C3orf20: variants seen among roughly 807,000 people sequenced by gnomAD.
C3orf20 encodes the protein family with sequence similarity 149 member C, also known as uncharacterized protein C3orf20.
A neutral mutation model predicts 88.3 loss-of-function variants in C3orf20; 76 were observed. The observed-to-expected ratio is 0.86, with a 90% CI of 0.72 to 1.04. The LOEUF is 1.04. C3orf20 is among the 50% of genes least tolerant of loss of function. C3orf20 has a pLI of 0.00. For synonymous variants in C3orf20, 436 were observed against 437.4 expected, an observed-to-expected ratio of 1.00 and a Z score of 0.04; for missense variants, 1,056 against 1,123.3, an observed-to-expected ratio of 0.94 and a Z score of 0.86.
intron 14 of C3orf20, among the ~76,000 whole-genome samples, chr3:14,760,601 GTCT>G (rs1439624035): frequency 0.012 from 1,528 of 127,202 alleles, 33 homozygotes; most frequent in African/African-American, 0.041. Flanking sequence ...GTAAGAGTCT[GTCT>G]TCTTTTTTTT....
At position 14,703,254 on chromosome 3, in the gene C3orf20, T is replaced by A; in HGVS notation, c.870T>A (p.Cys290Ter). 6.2e-7 allele frequency: 1 copy of A among 1,614,076 alleles called. No homozygotes were observed. The highest frequency in any genetic ancestry group is 8.5e-7 in the Non-Finnish European group (1 of 1,180,014). ...CCCGGGAGAAGCTGCAGGAGTTGTG[T>A]CGCCACATGTGAGCACCTCAGTGCT... ...PEAREKLQEL[C>*]RHIEAERATW... Residue 290 changes from cysteine to a stop codon, truncating the protein, a stop_gained, in exon 6 of 17, where the codon TGT becomes TGA. Transcript: ENST00000253697. LOFTEE classifies it high-confidence loss of function.
intron 12 of C3orf20, among the ~76,000 whole-genome samples, chr3:14,756,767 C>G (rs1178070233): frequency 6.6e-6 from 1 of 152,166 alleles, no homozygotes; most frequent in Non-Finnish European, 1.5e-5. Context: ...GGATGAAATG[C>G]AGGGGGCAGA....
Position 14,682,151 on chromosome 3 carries a change from C to A in C3orf20, c.-298-19C>A, listed in dbSNP as rs1279370358. 1 of 153,334 alleles carries A rather than the reference C, an allele frequency of 6.5e-6. No individual in the cohort carries two copies. Among genetic ancestry groups the A allele is most frequent in the African/African-American group, 2.4e-5 (1 of 41,460 alleles). 9.5% of individuals were successfully genotyped at this position (153,334 alleles called of 1,614,324 possible). ...GCTTAGTAAATGCATTGTCCTCATT[C>A]TTTCCTGTCTGCCCTCAGATGTACA... On this transcript the variant is annotated intron_variant, in intron 1 of 16. Transcript: ENST00000253697.
chr3:14,708,154 T>C (rs921940435), intron 7 of C3orf20, among the ~76,000 whole-genome samples: 19 of 152,188 alleles, frequency 1.2e-4, no homozygotes, highest in Non-Finnish European at 2.4e-4. Flanking sequence ...TTTATACTTA[T>C]AGGTCTTGCG....
intron 4 of C3orf20, among the ~76,000 whole-genome samples, chr3:14,685,171 A>G (rs1265950464): frequency 3.3e-5 from 5 of 152,262 alleles, no homozygotes; most frequent in Admixed American, 2.0e-4. Flanking sequence ...GCACTAAAGC[A>G]TAGATATTTA....
chr3:14,720,207 T>C lies in C3orf20; in HGVS notation c.1435-1446T>C, dbSNP rs537980958. Among the ~76,000 whole-genome samples, 486 of 152,290 alleles carry C rather than the reference T, an allele frequency of 3.2e-3. 2 individuals carry two copies. Among genetic ancestry groups the C allele is most frequent in the Middle Eastern group, 0.027 (8 of 294 alleles). On this transcript the variant is annotated intron_variant, in intron 9 of 16. Coordinates refer to ENST00000253697, the MANE Select transcript of C3orf20 (RefSeq NM_032137.5). ...ACCATGCCTGGCTAATTTTTTTGTA[T>C]ATTTAGTAGAGACGGGGTTTCACCG...
At chr3:14,719,296 G>C (rs1199391659) in intron 9 of C3orf20, among the ~76,000 whole-genome samples, 2 of 152,142 alleles carry the variant, frequency 1.3e-5, no homozygotes, top group African/African-American at 2.4e-5. Context: ...ACCAGTGGGT[G>C]GGCTAGTGGA....
Position 14,761,599 on chromosome 3 carries a change from G to T in C3orf20, c.2479G>T (p.Asp827Tyr), listed in dbSNP as rs371915346. ...QDYKMGYFLP[D>Y]DYKFSVPNSV... ...TTACAAGATGGGCTACTTCCTGCCG[G>T]ATGACTACAAATTCAGGTAAAACAG... The change falls in exon 15 of 17, where the codon GAT (aspartate) becomes TAT (tyrosine). Residue 827 changes from aspartate to tyrosine, a missense_variant. Coordinates refer to ENST00000253697, the MANE Select transcript of C3orf20 (RefSeq NM_032137.5). 3.7e-6 allele frequency: 6 copies of T among 1,613,948 alleles called. No individual in the cohort carries two copies. The highest frequency in any genetic ancestry group is 2.7e-5 in the African/African-American group (2 of 74,896).
chr3:14,702,229 T>A (rs1029327030), intron 5 of C3orf20, among the ~76,000 whole-genome samples: 2 of 152,090 alleles, frequency 1.3e-5, no homozygotes, highest in African/African-American at 4.8e-5. Flanking sequence ...CAGAAATGCC[T>A]GATGAACCCA....
intron 15 of C3orf20, among the ~76,000 whole-genome samples, chr3:14,769,146 T>C (rs1392436853): frequency 6.6e-6 from 1 of 152,040 alleles, no homozygotes; most frequent in African/African-American, 2.4e-5. Context: ...GGCAAATTCA[T>C]AGAGCTGTGA....
intron 1 of C3orf20, among the ~76,000 whole-genome samples, chr3:14,676,492 T>A (rs149153689): frequency 3.0e-3 from 464 of 152,344 alleles, no homozygotes; most frequent in African/African-American, 0.011. Context: ...TAGTTATTTT[T>A]AATTGTTGCC....
chr3:14,682,111 T>C (rs2032123400), intron 1 of C3orf20, 59 bp from the exon 2 acceptor site: 1 of 152,294 alleles, frequency 6.6e-6, no homozygotes, highest in Admixed American at 6.5e-5. Flanking sequence ...TTTGGCAAAT[T>C]ATATTAGTGA....
intron 14 of C3orf20, 58 bp from the exon 15 acceptor site, chr3:14,761,415 G>T: frequency 6.2e-7 from 1 of 1,605,096 alleles, no homozygotes; most frequent in Non-Finnish European, 8.5e-7. Context: ...TGTCTTATCA[G>T]TGGACACTGC....
Position 14,690,121 on chromosome 3 carries a change from A to C in C3orf20, c.745+5A>C. Reference sequence around the variant, plus strand: ...AAGAAGCCAAGAAGAAAATAGGTAAAAATGGTTCCTCGTGGCCTACCATTC... The same window carrying C: ...AAGAAGCCAAGAAGAAAATAGGTAACAATGGTTCCTCGTGGCCTACCATTC... On this transcript the variant is annotated splice_donor_5th_base_variant and intron_variant, in intron 5 of 16. Coordinates refer to ENST00000253697, the MANE Select transcript of C3orf20 (RefSeq NM_032137.5). 11 of 1,614,014 alleles carry C rather than the reference A, an allele frequency of 6.8e-6. No homozygotes were observed. The highest frequency in any genetic ancestry group is 9.3e-6 in the Non-Finnish European group (11 of 1,179,956).
chr3:14,689,987 CCCACT>C lies in C3orf20; in HGVS notation c.626-6_626-2del. Reference sequence around the variant, plus strand: ...AGTTGAAAGAAGAATCTCTCTCTCTCCCACTCCAGAGTCCCTCGCAAACATGTCCG... The same window carrying C: ...AGTTGAAAGAAGAATCTCTCTCTCTCCCAGAGTCCCTCGCAAACATGTCCG... On this transcript the variant is annotated splice_region_variant and splice_polypyrimidine_tract_variant and intron_variant, in intron 4 of 16. Coordinates refer to ENST00000253697, the MANE Select transcript of C3orf20 (RefSeq NM_032137.5). 6.2e-7 allele frequency: 1 copy of C among 1,614,140 alleles called. No individual in the cohort carries two copies. Among genetic ancestry groups the C allele is most frequent in the Non-Finnish European group, 8.5e-7 (1 of 1,180,002 alleles).
intron 3 of C3orf20, among the ~76,000 whole-genome samples, chr3:14,683,706 ACT>A (rs2032236772): frequency 6.6e-6 from 1 of 151,428 alleles, no homozygotes; most frequent in Non-Finnish European, 1.5e-5. Flanking sequence ...TGAAACCCTG[ACT>A]CTACTAAAAA....
intron 1 of C3orf20, among the ~76,000 whole-genome samples, chr3:14,681,365 G>A (rs2032079259): frequency 6.6e-6 from 1 of 152,254 alleles, no homozygotes; most frequent in South Asian, 2.1e-4. Context: ...AGACGTAGGT[G>A]TGTTGGCTGG....
At chr3:14,718,634 G>A (rs2034029271) in intron 9 of C3orf20, among the ~76,000 whole-genome samples, 1 of 152,216 alleles carries the variant, frequency 6.6e-6, no homozygotes, top group Admixed American at 6.5e-5. Flanking sequence ...TGGACATTGT[G>A]AATGTTATTT....
At chr3:14,761,393 T>G in intron 14 of C3orf20, 80 bp from the exon 15 acceptor site, 1 of 1,556,380 alleles carries the variant, frequency 6.4e-7, no homozygotes. Context: ...CTAGTGAAAT[T>G]CCAAACTTGC....
Sources: allele counts gnomAD v4.1 joint callset (sites outside exome capture counted in the v4.1 genomes callset), GRCh38; gene constraint gnomAD v4.1.1; transcripts MANE v1.5; gene names NCBI Gene and HGNC (gene_info 2026-07-23, HGNC 2026-07-21).